ADAM8: variants seen among roughly 807,000 people sequenced by gnomAD.
ADAM8 encodes the protein disintegrin and metalloproteinase domain-containing protein 8.
Under a neutral mutation model 102.4 loss-of-function variants are expected in ADAM8, and 104 were observed. That is an observed-to-expected ratio of 1.02 (90% CI 0.87 to 1.20). ADAM8 has a LOEUF of 1.20. ADAM8 is among the 50% of genes most tolerant of loss of function. The probability of loss-of-function intolerance (pLI) is 0.00; values close to 1 mark genes in which losing one functional copy is unlikely to be tolerated. For missense variants in ADAM8, 1,132 were observed against 1,159.0 expected, an observed-to-expected ratio of 0.98 and a Z score of 0.34; for synonymous variants, 517 against 485.2, an observed-to-expected ratio of 1.07 and a Z score of -0.86.
At chr10:133,274,812 A>G in intron 2 of ADAM8, 1 of 422,072 alleles carries the variant, frequency 2.4e-6, no homozygotes, top group Admixed American at 2.6e-5. Flanking sequence ...GTGCCTGCAG[A>G]GCCTCCTGCT....
At chr10:133,273,096 C>T (rs1412767069) in intron 6 of ADAM8, 77 bp from the exon 7 acceptor site, 3 of 1,605,896 alleles carry the variant, frequency 1.9e-6, no homozygotes, top group Non-Finnish European at 2.6e-6. Flanking sequence ...CCCGGGGCCA[C>T]TGTCCAGCCC....
In ADAM8 at chr10:133,263,121, C is replaced by G; in HGVS notation, c.*35G>C. On this transcript the variant is annotated 3_prime_UTR_variant, in exon 23 of 23. Coordinates refer to ENST00000445355, the MANE Select transcript of ADAM8 (RefSeq NM_001109.5). ...GGAACGCATGGCTTCTCTGCCGCAA[C>G]TTCTCCAAATTTCCACACAGGCGCA... 1 of 1,612,490 alleles carries G rather than the reference C, an allele frequency of 6.2e-7. No individual in the cohort carries two copies. The highest frequency in any genetic ancestry group is 1.7e-5 in the Admixed American group (1 of 60,018).
chr10:133,263,319 A>G (rs1589798570), intron 22 of ADAM8, 86 bp from the exon 23 acceptor site: 1 of 1,284,074 alleles, frequency 7.8e-7, no homozygotes, highest in East Asian at 2.5e-5. Context: ...TACGTCCTTT[A>G]ACATCTCTTA....
chr10:133,270,398 C>T lies in ADAM8; in HGVS notation c.1747G>A (p.Glu583Lys), dbSNP rs750651687. The T allele has an allele frequency of 1.1e-4, 176 of 1,597,828 alleles. No homozygotes were observed. Among genetic ancestry groups the T allele is most frequent in the Non-Finnish European group, 1.5e-4 (173 of 1,167,776 alleles). ...CACCGGGTGCCCTCGGGCACTGGTT[C>T]ATACGCAGTGCCATCCTCTGTGGTG... The part of the protein sequence containing the change: ...ALTTEDGTAY[E>K]PVPEGTRCGP... Residue 583 changes from glutamate (E) to lysine (K), a missense_variant, in exon 16 of 23, where the codon GAA becomes AAA. Coordinates refer to ENST00000445355, the MANE Select transcript of ADAM8 (RefSeq NM_001109.5).
chr10:133,268,259 A>C, intron 19 of ADAM8, 141 bp from the exon 20 acceptor site: 1 of 785,246 alleles, frequency 1.3e-6, no homozygotes, highest in South Asian at 6.1e-5. Flanking sequence ...AGACAGGCCC[A>C]GGAGGTGGGG....
At chr10:133,270,338 G>A (rs371051348) in intron 16 of ADAM8, 22 bp downstream of exon 16, 33 of 1,568,162 alleles carry the variant, frequency 2.1e-5, no homozygotes, top group African/African-American at 6.8e-5. Context: ...GGGGTGGCGC[G>A]GCCTCTGAGC....
In ADAM8 at chr10:133,271,626, G is replaced by C; in HGVS notation, c.1186C>G (p.Leu396Val). The C allele has an allele frequency of 6.4e-7, 1 of 1,555,836 alleles. No homozygotes were observed. Among genetic ancestry groups the C allele is most frequent in the Non-Finnish European group, 8.7e-7 (1 of 1,149,862 alleles). Residue 396 changes from leucine to valine, a missense_variant, in exon 12 of 23, where the codon CTC becomes GTC. Coordinates refer to ENST00000445355, the MANE Select transcript of ADAM8 (RefSeq NM_001109.5). ...TGGCTGAGGTCAGGGGCGTTGGCGA[G>C]GCACACCGACTGCGGCCGCTCCAAA... ...SFLERPQSVC[L>V]ANAPDLSHLV...
rs1194762306 is a variant in ADAM8, at chr10:133,270,907, T to A, written c.1538A>T (p.Gln513Leu). ...CYNGACPTLA[Q>L]QCQAFWGPGG... ...TGGCCCCCAGAAGGCCTGGCACTGC[T>A]GGGCCAGTGTGGGACAGGCCCCGTT... Residue 513 changes from glutamine (Q) to leucine (L), a missense_variant, in exon 14 of 23, where the codon CAG (glutamine) becomes CTG (leucine). Gln to Leu is a moderately radical substitution (Grantham distance 113). Coordinates refer to ENST00000445355, the MANE Select transcript of ADAM8 (RefSeq NM_001109.5). 6.2e-7 allele frequency: 1 copy of A among 1,612,042 alleles called. No homozygotes were observed. Among genetic ancestry groups the A allele is most frequent in the East Asian group, 2.2e-5 (1 of 44,870 alleles).
At chr10:133,275,649 T>C in intron 1 of ADAM8, 62 bp from the exon 2 acceptor site, 4 of 860,880 alleles carry the variant, frequency 4.6e-6, no homozygotes, top group Non-Finnish European at 6.8e-6. Flanking sequence ...CCCAGAGGCC[T>C]CCTGGGCCCT....
intron 21 of ADAM8, among the ~76,000 whole-genome samples, chr10:133,266,498 C>T (rs1564919795): frequency 6.6e-6 from 1 of 152,196 alleles, no homozygotes; most frequent in Non-Finnish European, 1.5e-5. Flanking sequence ...CTAGGGCTGA[C>T]CACGAACCTC....
rs1846484918 is a variant in ADAM8, at chr10:133,270,497, CA to C, written c.1647del (p.Cys549TrpfsTer96). On this transcript the variant is annotated frameshift_variant, in exon 16 of 23. Coordinates refer to ENST00000445355, the MANE Select transcript of ADAM8 (RefSeq NM_001109.5). LOFTEE classifies it high-confidence loss of function. ...CKASRYRADM[C>X]GVLQCKGGQQ... ...TGCCCACCCTTGCACTGCAGAACGC[CA>C]CACATGTCAGCCCTGTGGATGGACG... 6.3e-7 allele frequency: 1 copy of C among 1,594,782 alleles called. No homozygotes were observed. Among genetic ancestry groups the C allele is most frequent in the Non-Finnish European group, 8.6e-7 (1 of 1,165,754 alleles).
At chr10:133,276,059 ATCCGAGAGCAGAGGGCAGGG>A (rs1210016417) in intron 1 of ADAM8, 1 of 157,318 alleles carries the variant, frequency 6.4e-6, no homozygotes, top group African/African-American at 2.4e-5. Context: ...ACTCCCTGGT[ATCCGAGAGCAGAGGGCAGGG>A]TCCCAGCATG....
chr10:133,269,146 G>C, intron 18 of ADAM8: 1 of 985,444 alleles, frequency 1.0e-6, no homozygotes. Context: ...GAAATGCTGG[G>C]TGGCCTCAGG....
rs1846463316 is a variant in ADAM8 at position 133,269,915 on chromosome 10, G to A, written c.1845C>T (p.Ala615=). 5.6e-6 allele frequency: 9 copies of A among 1,612,648 alleles called. No individual in the cohort carries two copies. The highest frequency in any genetic ancestry group is 1.1e-5 in the South Asian group (1 of 91,090). ...LHVYRSSNCS[A]QCHNHGVCNH... The stretch of plus-strand genomic sequence containing the variant: ...CACATACCCCATGGTTGTGGCACTG[G>A]GCAGAGCAGTTGCTGGATCTGTAAA... Residue 615 remains alanine, a synonymous_variant, in exon 17 of 23, where the codon GCC becomes GCT. Coordinates refer to ENST00000445355, the MANE Select transcript of ADAM8 (RefSeq NM_001109.5).
intron 5 of ADAM8, 21 bp from the exon 6 acceptor site, chr10:133,273,464 G>A: frequency 6.6e-7 from 1 of 1,521,848 alleles, no homozygotes; most frequent in Non-Finnish European, 8.9e-7. Context: ...TGGGAGCCGG[G>A]TGTGCTGTGG....
chr10:133,270,822 G>A lies in ADAM8; in HGVS notation c.1565-17C>T, dbSNP rs369088570. On this transcript the variant is annotated splice_polypyrimidine_tract_variant and intron_variant, in intron 14 of 22. Coordinates refer to ENST00000445355, the MANE Select transcript of ADAM8 (RefSeq NM_001109.5). ...CCTGCCCACCTGTGGGACCAGAAGC[G>A]GGTTAGCCCTGGCAAGGCCTGCAGC... 1.2e-4 allele frequency: 192 copies of A among 1,611,620 alleles called. No individual in the cohort carries two copies. Among genetic ancestry groups the A allele is most frequent in the African/African-American group, 9.7e-4 (73 of 75,038 alleles).
chr10:133,267,215 T>C (rs753922262), intron 21 of ADAM8, 137 bp downstream of exon 21: 4 of 938,920 alleles, frequency 4.3e-6, no homozygotes, highest in Non-Finnish European at 6.6e-6. Context: ...CCTCACGAGG[T>C]CGGGCTAACC....
Position 133,272,497 on chromosome 10 carries a change from C to A in ADAM8, c.794G>T (p.Ser265Ile). ...GGTCAGGAGGTTCTCCAGTGTGACA[C>A]TGGGGTCGGGGCTGACGTGGAACCT... ...QDRFHVSPDP[S>I]VTLENLLTWQ... The change falls in exon 9 of 23, where the codon AGT (serine) becomes ATT (isoleucine). Residue 265 changes from serine to isoleucine, a missense_variant. Physicochemically the swap from Ser to Ile is moderately radical, Grantham distance 142. Coordinates refer to ENST00000445355, the MANE Select transcript of ADAM8 (RefSeq NM_001109.5). 2.5e-6 allele frequency: 4 copies of A among 1,612,336 alleles called. No homozygotes were observed. The highest frequency in any genetic ancestry group is 2.5e-6 in the Non-Finnish European group (3 of 1,179,898).
rs535113696 is a variant in ADAM8 at position 133,276,832 on chromosome 10, G to T, written c.-15C>A. On this transcript the variant is annotated 5_prime_UTR_variant, in exon 1 of 23. Coordinates refer to ENST00000445355, the MANE Select transcript of ADAM8 (RefSeq NM_001109.5). Reference sequence around the variant, plus strand: ...AGGCCGCGCATGGCCGGGTCGGGGAGCAGAGGCGGAGGTGACAGCCCCGCG... The same window carrying T: ...AGGCCGCGCATGGCCGGGTCGGGGATCAGAGGCGGAGGTGACAGCCCCGCG... 4 of 1,522,040 alleles carry T rather than the reference G, an allele frequency of 2.6e-6. No individual in the cohort carries two copies. The South Asian group carries it at 3.7e-5, about 14-fold the overall frequency. 94.3% of individuals were successfully genotyped at this position (1,522,040 alleles called of 1,614,324 possible).
Sources: allele counts gnomAD v4.1 joint callset (sites outside exome capture counted in the v4.1 genomes callset), GRCh38; gene constraint gnomAD v4.1.1; transcripts MANE v1.5; gene names NCBI Gene and HGNC (gene_info 2026-07-23, HGNC 2026-07-21).